The following HMGB1 variants were observed in gnomAD, a reference collection of about 807,000 sequenced individuals.
HMGB1 encodes high mobility group box 1, also known as high mobility group protein B1.
For synonymous variants in HMGB1, 81 were observed against 84.0 expected, an observed-to-expected ratio of 0.96 and a Z score of 0.19; for missense variants, 79 against 253.5, an observed-to-expected ratio of 0.31 and a Z score of 4.67.
At chr13:30,590,105 T>C (rs1242635770) in intron 1 of HMGB1, among the ~76,000 whole-genome samples, 1 of 152,156 alleles carries the variant, frequency 6.6e-6, no homozygotes, top group East Asian at 1.9e-4. Flanking sequence ...AGAGATTACT[T>C]AAAACAAAGG....
intron 1 of HMGB1, among the ~76,000 whole-genome samples, chr13:30,498,439 G>A (rs1020844919): frequency 6.6e-6 from 1 of 151,996 alleles, no homozygotes; most frequent in African/African-American, 2.4e-5. Flanking sequence ...AGGAGCGGGA[G>A]GGGCTGGAGA....
chr13:30,509,893 G>T (rs1308756863), intron 1 of HMGB1, among the ~76,000 whole-genome samples: 1 of 152,146 alleles, frequency 6.6e-6, no homozygotes. Flanking sequence ...ATCTCTGGAG[G>T]TTACCTAATC....
intron 1 of HMGB1, among the ~76,000 whole-genome samples, chr13:30,502,756 A>G (rs1018732841): frequency 1.3e-5 from 2 of 151,680 alleles, no homozygotes; most frequent in Non-Finnish European, 2.9e-5. Flanking sequence ...CCTCACTGCA[A>G]CCTCTGCCTC....
At chr13:30,586,479 GTTTTTTTT>G (rs11315470) in intron 1 of HMGB1, among the ~76,000 whole-genome samples, 1 of 105,068 alleles carries the variant, frequency 9.5e-6, no homozygotes, top group Non-Finnish European at 2.0e-5. Flanking sequence ...GGTTTTTTTT[GTTTTTTTT>G]TTTTTTTTTT....
intron 1 of HMGB1, among the ~76,000 whole-genome samples, chr13:30,530,761 T>C (rs971049600): frequency 1.3e-5 from 2 of 152,150 alleles, no homozygotes; most frequent in African/African-American, 2.4e-5. Flanking sequence ...AGAACACAAA[T>C]GCAAGCTGGG....
intron 1 of HMGB1, chr13:30,541,005 GTTTCT>G (rs1037690225): frequency 5.9e-5 from 9 of 152,014 alleles, no homozygotes; most frequent in Admixed American, 6.6e-5. Flanking sequence ...GTGTGTGTGT[GTTTCT>G]TTTATTTCTT....
chr13:30,485,179 G>GCC, intron 1 of HMGB1, among the ~76,000 whole-genome samples: 1 of 151,848 alleles, frequency 6.6e-6, no homozygotes, highest in South Asian at 2.1e-4. Context: ...CTACAGGTAT[G>GCC]AGCCACCACG....
intron 1 of HMGB1, among the ~76,000 whole-genome samples, chr13:30,502,738 AAC>A (rs1440261891): frequency 6.6e-6 from 1 of 151,826 alleles, no homozygotes; most frequent in Non-Finnish European, 1.5e-5. Context: ...GGCTCACTGC[AAC>A]CTCCACCTCA....
At chr13:30,500,245 C>T (rs1386684224) in intron 1 of HMGB1, among the ~76,000 whole-genome samples, 1 of 152,302 alleles carries the variant, frequency 6.6e-6, no homozygotes, top group East Asian at 1.9e-4. Flanking sequence ...TCTTGGACTA[C>T]CTGGCCTCCT....
Position 30,559,018 on chromosome 13 carries a change from GAATGAATA to G in HMGB1, c.-15+57645_-15+57652del, listed in dbSNP as rs1869819787. 6.6e-6 allele frequency among the ~76,000 whole-genome samples: 1 copy of G among 152,194 alleles called. No individual in the cohort carries two copies. The highest frequency in any genetic ancestry group is 6.5e-5 in the Admixed American group (1 of 15,280). On this transcript the variant is annotated intron_variant, in intron 1 of 4. Coordinates refer to the HMGB1 transcript ENST00000405805. The surrounding 1 kb of genome is among the most constrained non-coding windows in gnomAD (Gnocchi z 6.6). The stretch of plus-strand genomic sequence containing the variant: ...TCACAGTAGGTGTTCAGAATGTGTT[GAATGAATA>G]AATGATCTGTACACTTTTCCAGAAA...
chr13:30,506,020 C>G (rs920716812), intron 1 of HMGB1, among the ~76,000 whole-genome samples: 1 of 152,142 alleles, frequency 6.6e-6, no homozygotes, highest in Non-Finnish European at 1.5e-5. Context: ...AGCCACTGCA[C>G]CTGGCCTGGA....
At chr13:30,587,671 C>G (rs1227357072) in intron 1 of HMGB1, among the ~76,000 whole-genome samples, 7 of 152,162 alleles carry the variant, frequency 4.6e-5, no homozygotes, top group Non-Finnish European at 1.5e-5. Context: ...ATGCTAAATA[C>G]TAAGATGTGA....
At chr13:30,530,427 A>C (rs1222948716) in intron 1 of HMGB1, among the ~76,000 whole-genome samples, 1 of 152,222 alleles carries the variant, frequency 6.6e-6, no homozygotes, top group African/African-American at 2.4e-5. Flanking sequence ...TGTGTAGGGG[A>C]AAAGGAACTC....
intron 1 of HMGB1, among the ~76,000 whole-genome samples, chr13:30,498,123 A>AT (rs1887653756): frequency 6.6e-6 from 1 of 152,078 alleles, no homozygotes; most frequent in Admixed American, 6.6e-5. Flanking sequence ...AGCATCTGTT[A>AT]TTTTTTGACT....
intron 1 of HMGB1, among the ~76,000 whole-genome samples, chr13:30,496,107 G>A (rs773952519): frequency 2.6e-5 from 4 of 152,132 alleles, no homozygotes; most frequent in Non-Finnish European, 5.9e-5. Context: ...AAACACTTAG[G>A]GTTTTTTAAG....
chr13:30,464,592 G>A, intron 1 of HMGB1: 1 of 983,914 alleles, frequency 1.0e-6, no homozygotes, highest in Non-Finnish European at 1.2e-6. Context: ...CGCCGCCGCC[G>A]CCCCCATTTT....
At chr13:30,578,242 C>T (rs953967410) in intron 1 of HMGB1, among the ~76,000 whole-genome samples, 2 of 151,774 alleles carry the variant, frequency 1.3e-5, no homozygotes, top group Non-Finnish European at 2.9e-5. Context: ...CATCTTTGCT[C>T]CTTTCATACC....
intron 1 of HMGB1, among the ~76,000 whole-genome samples, chr13:30,524,419 C>T (rs1018472685): frequency 6.6e-6 from 1 of 150,632 alleles, no homozygotes; most frequent in Non-Finnish European, 1.5e-5. Flanking sequence ...CACAGTTGAG[C>T]ACGGCTAGGA....
Position 30,497,838 on chromosome 13 carries a change from C to T in HMGB1, c.-14-34144G>A, listed in dbSNP as rs552550794. 3.3e-5 allele frequency among the ~76,000 whole-genome samples: 5 copies of T among 152,164 alleles called. No individual in the cohort carries two copies. The South Asian group carries it at 1.0e-3, about 32-fold the overall frequency. Reference sequence around the variant, plus strand: ...CCATGGTGTAAATGTACCACATTTTCCTTATCCAGTCTACCACTGATGGGC... The same window carrying T: ...CCATGGTGTAAATGTACCACATTTTTCTTATCCAGTCTACCACTGATGGGC... On this transcript the variant is annotated intron_variant, in intron 1 of 4. Coordinates refer to the HMGB1 transcript ENST00000405805.
Sources: gnomAD v4.1 joint callset for allele counts (sites outside exome capture counted in the v4.1 genomes callset) on GRCh38, gnomAD v4.1.1 for gene constraint, Gnocchi (gnomAD v3.1) non-coding constraint, MANE v1.5 for transcripts, NCBI Gene and HGNC (gene_info 2026-07-23, HGNC 2026-07-21) for gene names.